The following FAM200B variants were observed in gnomAD, a reference collection of about 807,000 sequenced individuals.
FAM200B encodes the protein zinc finger BED-type containing 11, also known as protein FAM200B.
In FAM200B, 32 loss-of-function variants were observed where a neutral mutation model predicts 33.1. That is an observed-to-expected ratio of 0.97 (90% CI 0.73 to 1.30). FAM200B has a LOEUF of 1.30. Ranked by LOEUF, FAM200B falls within the 50% of genes most tolerant of loss-of-function variation. The pLI is 0.00. For missense variants in FAM200B, 741 were observed against 754.0 expected (o/e 0.98, Z 0.20); for synonymous variants, 240 against 264.8 (o/e 0.91, Z 0.91).
the FAM200B span, among the ~76,000 whole-genome samples, chr4:15,658,782 A>C: frequency 6.6e-6 from 1 of 152,226 alleles, no homozygotes; most frequent in Non-Finnish European, 1.5e-5. Flanking sequence ...ATGATGTCTT[A>C]ATCTACTTTC....
upstream of FAM200B, among the ~76,000 whole-genome samples, chr4:15,681,101 T>C (rs1392895351): frequency 6.6e-6 from 1 of 151,920 alleles, no homozygotes; most frequent in East Asian, 1.9e-4. Context: ...TACATACATA[T>C]TTAAATCTAT....
At chr4:15,652,210 T>A in the FAM200B span, among the ~76,000 whole-genome samples, 1 of 152,158 alleles carries the variant, frequency 6.6e-6, no homozygotes, top group Non-Finnish European at 1.5e-5. Context: ...TTTACTAACA[T>A]CATCCCAGTC....
At chr4:15,670,911 A>C in the FAM200B span, among the ~76,000 whole-genome samples, 1 of 129,954 alleles carries the variant, frequency 7.7e-6, no homozygotes, top group Non-Finnish European at 1.6e-5. Flanking sequence ...CTCTGTGCGT[A>C]GACTTTTTTT....
Position 15,688,381 on chromosome 4 carries a change from G to A in FAM200B, c.1404G>A (p.Leu468=), listed in dbSNP as rs1225975906. Residue 468 remains leucine (L), a synonymous_variant, in exon 2 of 2, where the codon TTG becomes TTA. Transcript: ENST00000422728. ...TCCAGGGATTTCGAAAGACATTATT[G>A]TTATGGCAAGTAAGACTTAAAAGTA... ...ERIQGFRKTL[L]LWQVRLKSNR... is the part of the protein sequence containing the mutation. 21 of 1,548,662 alleles carry A rather than the reference G, an allele frequency of 1.4e-5. No homozygotes were observed. The highest frequency in any genetic ancestry group is 1.7e-4 in the Middle Eastern group (1 of 6,002).
At chr4:15,643,194 T>C in the FAM200B span, among the ~76,000 whole-genome samples, 2 of 152,182 alleles carry the variant, frequency 1.3e-5, no homozygotes, top group African/African-American at 4.8e-5. Flanking sequence ...AAGTAGCTAC[T>C]AAGTATTCTT....
chr4:15,673,513 G>A, the FAM200B span, among the ~76,000 whole-genome samples: 1 of 152,100 alleles, frequency 6.6e-6, no homozygotes, highest in Non-Finnish European at 1.5e-5. Context: ...AGACACATAA[G>A]ACATCATCAT....
upstream of FAM200B, among the ~76,000 whole-genome samples, chr4:15,677,644 T>C (rs1577524115): frequency 1.3e-5 from 2 of 152,086 alleles, no homozygotes; most frequent in South Asian, 4.1e-4. Flanking sequence ...GCTGGGAGGG[T>C]GGCACAGAGA....
upstream of FAM200B, among the ~76,000 whole-genome samples, chr4:15,678,645 A>G (rs1362482474): frequency 6.6e-6 from 1 of 152,224 alleles, no homozygotes; most frequent in Non-Finnish European, 1.5e-5. Flanking sequence ...TCCTAGGTAG[A>G]GCATTAATTT....
chr4:15,639,057 G>A, the FAM200B span, among the ~76,000 whole-genome samples: 4,921 of 152,276 alleles, frequency 0.032, 221 homozygotes, highest in East Asian at 0.22. Flanking sequence ...CCAGCTACTC[G>A]AGAGACTGAG....
the FAM200B span, among the ~76,000 whole-genome samples, chr4:15,639,887 A>T: frequency 6.6e-6 from 1 of 152,380 alleles, no homozygotes; most frequent in East Asian, 1.9e-4. Context: ...ACTGATTTAC[A>T]GCTGAACAGG....
At chr4:15,675,572 A>ATTTT in the FAM200B span, among the ~76,000 whole-genome samples, 1 of 96,704 alleles carries the variant, frequency 1.0e-5, no homozygotes, top group Non-Finnish European at 2.0e-5. Context: ...CAAAACTCCT[A>ATTTT]TTTTTTTTTT....
the FAM200B span, among the ~76,000 whole-genome samples, chr4:15,662,486 C>T: frequency 1.3e-5 from 2 of 152,140 alleles, no homozygotes; most frequent in Non-Finnish European, 2.9e-5. Flanking sequence ...GCATTCAATA[C>T]TATCTTTTAA....
At chr4:15,652,260 T>A in the FAM200B span, among the ~76,000 whole-genome samples, 2 of 152,188 alleles carry the variant, frequency 1.3e-5, no homozygotes, top group African/African-American at 4.8e-5. Context: ...CTTAGCAGAT[T>A]GTTCCCAAAA....
chr4:15,655,113 G>T, the FAM200B span: 1 of 1,037,714 alleles, frequency 9.6e-7, no homozygotes, highest in Non-Finnish European at 1.2e-6. Flanking sequence ...CGGGGCTGCG[G>T]GCGCGGCGCA....
the FAM200B span, among the ~76,000 whole-genome samples, chr4:15,645,075 G>A: frequency 6.6e-6 from 1 of 151,908 alleles, no homozygotes; most frequent in Non-Finnish European, 1.5e-5. Context: ...ACTTGATTAG[G>A]TTAAATACAA....
At chr4:15,675,063 A>G in the FAM200B span, among the ~76,000 whole-genome samples, 2 of 152,234 alleles carry the variant, frequency 1.3e-5, no homozygotes, top group Admixed American at 1.3e-4. Context: ...CTGCCACTAC[A>G]AAACACTTTA....
At chr4:15,649,201 G>C in the FAM200B span, among the ~76,000 whole-genome samples, 2 of 151,782 alleles carry the variant, frequency 1.3e-5, no homozygotes, top group African/African-American at 4.8e-5. Flanking sequence ...AGTCCTTAAA[G>C]ATACTACCCA....
In FAM200B at chr4:15,690,301, C is replaced by T. The variant is rs901824558; in HGVS notation, c.*1350C>T. 6.0e-6 allele frequency: 1 copy of T among 167,038 alleles called. No homozygotes were observed. Among genetic ancestry groups the T allele is most frequent in the African/African-American group, 2.4e-5 (1 of 41,434 alleles). The allele number at this position is 167,038 out of a possible 1,614,324, so 10.3% of individuals were successfully genotyped here. On this transcript the variant is annotated 3_prime_UTR_variant, in exon 2 of 2. Transcript: ENST00000422728. ...ACTGGGTGATATTATTTGGCATGGT[C>T]ATTGTCATTAAAATCATACAGGATA...
the FAM200B span, among the ~76,000 whole-genome samples, chr4:15,646,935 GA>G: frequency 5.3e-5 from 8 of 151,942 alleles, no homozygotes; most frequent in African/African-American, 1.9e-4. Context: ...ACTGTGGATT[GA>G]AAAAGGCTGG....
Sources: gnomAD v4.1 joint callset for allele counts (sites outside exome capture counted in the v4.1 genomes callset) on GRCh38, gnomAD v4.1.1 for gene constraint, MANE v1.5 for transcripts, NCBI Gene and HGNC (gene_info 2026-07-23, HGNC 2026-07-21) for gene names.